The following CYTH3 variants were observed in gnomAD, a reference collection of about 807,000 sequenced individuals.
CYTH3 encodes the protein cytohesin-3.
CYTH3 carries 23 observed loss-of-function variants against 55.1 expected under a neutral mutation model. That is an observed-to-expected ratio of 0.42 (90% confidence interval 0.30 to 0.59). The LOEUF is 0.59. CYTH3 is among the 20% of genes least tolerant of loss of function. The probability of loss-of-function intolerance (pLI) is 0.20; values close to 1 mark genes in which losing one functional copy is unlikely to be tolerated. For missense variants in CYTH3, 413 were observed against 524.8 expected, an observed-to-expected ratio of 0.79 and a Z score of 2.08; for synonymous variants, 249 against 194.9, an observed-to-expected ratio of 1.28 and a Z score of -2.31.
chr7:6,259,342 G>C (rs1186164701), intron 1 of CYTH3, among the ~76,000 whole-genome samples: 1 of 152,122 alleles, frequency 6.6e-6, no homozygotes, highest in Non-Finnish European at 1.5e-5. Flanking sequence ...GCCCTGTTGA[G>C]AGTTTAAAGC....
chr7:6,224,163 A>G (rs761639637), intron 1 of CYTH3, among the ~76,000 whole-genome samples: 7 of 152,176 alleles, frequency 4.6e-5, no homozygotes. Context: ...GACTACAGGT[A>G]TCCACCACCA....
intron 6 of CYTH3, among the ~76,000 whole-genome samples, chr7:6,172,453 G>A (rs1011917352): frequency 1.9e-4 from 29 of 152,016 alleles, no homozygotes; most frequent in African/African-American, 5.8e-4. Flanking sequence ...CCACAGCAGT[G>A]ATGCGTCTCG....
At chr7:6,212,515 A>C (rs1784342894) in intron 1 of CYTH3, 1 of 152,156 alleles carries the variant, frequency 6.6e-6, no homozygotes, top group Non-Finnish European at 1.5e-5. Flanking sequence ...AGAATCACAC[A>C]GTATGTGTCT....
At chr7:6,256,774 G>A (rs534376370) in intron 1 of CYTH3, among the ~76,000 whole-genome samples, 3 of 152,314 alleles carry the variant, frequency 2.0e-5, no homozygotes, top group Admixed American at 1.3e-4. Context: ...CACTTGTCAG[G>A]CAGAGCAACT....
At chr7:6,177,039 T>G (rs1257733879) in intron 5 of CYTH3, among the ~76,000 whole-genome samples, 1 of 152,266 alleles carries the variant, frequency 6.6e-6, no homozygotes, top group African/African-American at 2.4e-5. Context: ...GAACTAACCT[T>G]GCATGCATGG....
At chr7:6,194,048 A>G (rs1051712385) in intron 1 of CYTH3, among the ~76,000 whole-genome samples, 1 of 152,308 alleles carries the variant, frequency 6.6e-6, no homozygotes, top group Admixed American at 6.5e-5. Context: ...CACCCTACAG[A>G]GAAACAGTCA....
chr7:6,188,050 G>C (rs1184361757), intron 2 of CYTH3, among the ~76,000 whole-genome samples: 2 of 152,182 alleles, frequency 1.3e-5, no homozygotes, highest in Non-Finnish European at 2.9e-5. Context: ...AACCAAGCCA[G>C]GAGCAGTGGC....
chr7:6,253,373 A>C (rs1780020403), intron 1 of CYTH3, among the ~76,000 whole-genome samples: 1 of 151,638 alleles, frequency 6.6e-6, no homozygotes, highest in Admixed American at 6.6e-5. Context: ...TGCCCAGTTA[A>C]TTTTTTTGTA....
chr7:6,228,348 GAAC>G (rs1339204939), intron 1 of CYTH3, among the ~76,000 whole-genome samples: 4 of 152,152 alleles, frequency 2.6e-5, no homozygotes, highest in Non-Finnish European at 5.9e-5. Flanking sequence ...ACATGGGACA[GAAC>G]AACATATGTA....
chr7:6,179,718 ACAC>A (rs1783437502), intron 4 of CYTH3, among the ~76,000 whole-genome samples: 1 of 94,652 alleles, frequency 1.1e-5, no homozygotes, highest in Non-Finnish European at 2.0e-5. Context: ...CACACCCCAC[ACAC>A]CACACACACA....
At chr7:6,221,354 C>G (rs1281791535) in intron 1 of CYTH3, among the ~76,000 whole-genome samples, 1 of 152,140 alleles carries the variant, frequency 6.6e-6, no homozygotes, top group African/African-American at 2.4e-5. Context: ...ATGTATGTGA[C>G]ATTTCAAAAT....
chr7:6,252,759 G>A (rs894057969), intron 1 of CYTH3, among the ~76,000 whole-genome samples: 1 of 152,184 alleles, frequency 6.6e-6, no homozygotes, highest in Non-Finnish European at 1.5e-5. Flanking sequence ...CTTCATCCAA[G>A]GATCTGACAG....
Position 6,165,293 on chromosome 7 carries a change from C to T in CYTH3, c.1107G>A (p.Glu369=), listed in dbSNP as rs369467659. The change falls in exon 12 of 13, where the codon GAG becomes GAA. Residue 369 remains glutamate, a synonymous_variant. Transcript: ENST00000350796. ...RISAPSPEEK[E]EWMKSIKASI... ...CTCACTTGATGGATTTCATCCACTCCTCCTTCTCCTCCGGGCTCGGGGCTG... is the reference window on the plus strand; with the variant it reads ...CTCACTTGATGGATTTCATCCACTCTTCCTTCTCCTCCGGGCTCGGGGCTG... 4 of 1,613,202 alleles carry T rather than the reference C, an allele frequency of 2.5e-6. No individual in the cohort carries two copies. Among genetic ancestry groups the T allele is most frequent in the Non-Finnish European group, 3.4e-6 (4 of 1,179,660 alleles).
chr7:6,202,494 C>T (rs899994259), intron 1 of CYTH3, among the ~76,000 whole-genome samples: 2 of 142,466 alleles, frequency 1.4e-5, no homozygotes, highest in African/African-American at 2.7e-5. Context: ...CAGGGTTTCG[C>T]TCTTGTTGCC....
intron 1 of CYTH3, among the ~76,000 whole-genome samples, chr7:6,195,219 G>A (rs945158218): frequency 6.6e-6 from 1 of 151,954 alleles, no homozygotes; most frequent in African/African-American, 2.4e-5. Flanking sequence ...TTTTCATTAC[G>A]ATATAAATTA....
At chr7:6,186,935 G>T in intron 4 of CYTH3, 115 bp downstream of exon 4, 1 of 1,059,336 alleles carries the variant, frequency 9.4e-7, no homozygotes, top group Non-Finnish European at 1.4e-6. Context: ...TCAACTCCCA[G>T]TCTTTTATGA....
At chr7:6,257,191 CA>C (rs1387922044) in intron 1 of CYTH3, among the ~76,000 whole-genome samples, 4 of 152,142 alleles carry the variant, frequency 2.6e-5, no homozygotes, top group African/African-American at 9.7e-5. Flanking sequence ...TATACTGAAT[CA>C]AAGTCTACAA....
At chr7:6,237,824 G>A (rs1459880199) in intron 1 of CYTH3, among the ~76,000 whole-genome samples, 1 of 152,194 alleles carries the variant, frequency 6.6e-6, no homozygotes, top group Non-Finnish European at 1.5e-5. Flanking sequence ...ACTACTACTT[G>A]TAAATGTATG....
chr7:6,171,060 G>T lies in CYTH3; in HGVS notation c.563-82C>A. 1 of 1,596,024 alleles carries T rather than the reference G, an allele frequency of 6.3e-7. No homozygotes were observed. The highest frequency in any genetic ancestry group is 8.6e-7 in the Non-Finnish European group (1 of 1,167,946). ...CCGCGTGCTGGGGGCCCGCCTGCAA[G>T]AGGTGCCCGGCCCACAGGTCGTCCT... On this transcript the variant is annotated intron_variant, in intron 7 of 12. Transcript: ENST00000350796. The surrounding 1 kb of genome is among the most constrained non-coding windows in gnomAD (Gnocchi z 6.7).
Sources: gnomAD v4.1 joint callset for allele counts (sites outside exome capture counted in the v4.1 genomes callset) on GRCh38, gnomAD v4.1.1 for gene constraint, Gnocchi (gnomAD v3.1) non-coding constraint, MANE v1.5 for transcripts, NCBI Gene and HGNC (gene_info 2026-07-23, HGNC 2026-07-21) for gene names.